Variants in NKAIN2 observed in about 807,000 individuals in gnomAD.
NKAIN2 encodes the protein sodium/potassium transporting ATPase interacting 2.
NKAIN2 carries 14 observed loss-of-function variants against 32.6 expected under a neutral mutation model. The ratio of observed to expected loss-of-function variants is 0.43; its 90% CI spans 0.28 to 0.67. The LOEUF (loss-of-function observed/expected upper bound fraction) is 0.67. Ranked by LOEUF, NKAIN2 falls within the 30% of genes least tolerant of loss-of-function variation. NKAIN2 has a pLI of 0.17. For missense variants in NKAIN2, 198 were observed against 258.3 expected (o/e 0.77, Z 1.60); for synonymous variants, 80 against 87.2 (o/e 0.92, Z 0.46).
intron 4 of NKAIN2, among the ~76,000 whole-genome samples, chr6:124,697,433 C>T (rs959602632): frequency 4.6e-5 from 7 of 152,122 alleles, no homozygotes; most frequent in Admixed American, 2.6e-4. Flanking sequence ...AGATTTTCAT[C>T]ACAATTTGTT....
At chr6:124,032,834 G>T (rs186895227) in intron 1 of NKAIN2, among the ~76,000 whole-genome samples, 2 of 151,818 alleles carry the variant, frequency 1.3e-5, no homozygotes, top group Non-Finnish European at 1.5e-5. Flanking sequence ...TGCCATGGTT[G>T]CAAACCAATG....
intron 3 of NKAIN2, among the ~76,000 whole-genome samples, chr6:124,609,154 C>G (rs560634933): frequency 6.6e-6 from 1 of 152,216 alleles, no homozygotes; most frequent in East Asian, 1.9e-4. Flanking sequence ...GTCTGGAATG[C>G]AAACAATGCT....
At chr6:124,649,920 A>G (rs1341525391) in intron 3 of NKAIN2, among the ~76,000 whole-genome samples, 1 of 152,198 alleles carries the variant, frequency 6.6e-6, no homozygotes, top group Non-Finnish European at 1.5e-5. Context: ...AGATGTATAA[A>G]AAGCATTTGG....
intron 3 of NKAIN2, among the ~76,000 whole-genome samples, chr6:124,408,697 T>G (rs1301437514): frequency 1.3e-5 from 2 of 149,756 alleles, no homozygotes. Context: ...TTTGGTTCCA[T>G]ATGAACTTTA....
At chr6:124,711,258 T>G (rs1297845467) in intron 4 of NKAIN2, among the ~76,000 whole-genome samples, 1 of 77,388 alleles carries the variant, frequency 1.3e-5, no homozygotes, top group Non-Finnish European at 2.6e-5. Flanking sequence ...CTGGCTGCGC[T>G]TAACATTTTT....
At chr6:124,465,415 AAGTGGG>A (rs1385089341) in intron 3 of NKAIN2, among the ~76,000 whole-genome samples, 2 of 152,072 alleles carry the variant, frequency 1.3e-5, no homozygotes. Flanking sequence ...TCGCACTCAT[AAGTGGG>A]AGTCGAACAA....
intron 3 of NKAIN2, among the ~76,000 whole-genome samples, chr6:124,646,019 G>C (rs1784153685): frequency 6.6e-6 from 1 of 151,704 alleles, no homozygotes; most frequent in Non-Finnish European, 1.5e-5. Context: ...CAGATATTTT[G>C]GTATATTTAT....
At chr6:124,642,350 G>A (rs1051005057) in intron 3 of NKAIN2, among the ~76,000 whole-genome samples, 2 of 152,110 alleles carry the variant, frequency 1.3e-5, no homozygotes, top group African/African-American at 2.4e-5. Context: ...CTTTAGCATT[G>A]GGGGTTTTAT....
chr6:123,981,330 C>T (rs757438426), intron 1 of NKAIN2, among the ~76,000 whole-genome samples: 5 of 151,798 alleles, frequency 3.3e-5, no homozygotes, highest in Non-Finnish European at 5.9e-5. Flanking sequence ...ATAGTTTAAC[C>T]AGTGCTGGAA....
intron 1 of NKAIN2, among the ~76,000 whole-genome samples, chr6:124,266,428 C>T (rs1387352481): frequency 6.6e-6 from 1 of 152,128 alleles, no homozygotes; most frequent in African/African-American, 2.4e-5. Context: ...CAGGCACACA[C>T]CACCACACCC....
chr6:124,515,587 C>A (rs1778876737), intron 3 of NKAIN2, among the ~76,000 whole-genome samples: 1 of 152,036 alleles, frequency 6.6e-6, no homozygotes, highest in Non-Finnish European at 1.5e-5. Flanking sequence ...ACAAATCTAT[C>A]CCCATGACCC....
intron 3 of NKAIN2, among the ~76,000 whole-genome samples, chr6:124,404,328 C>G (rs941876340): frequency 4.6e-5 from 7 of 152,110 alleles, no homozygotes; most frequent in African/African-American, 1.7e-4. Context: ...CACCAGGGAT[C>G]ACTTTTTGTT....
chr6:124,794,473 AT>A (rs1429265299), intron 5 of NKAIN2, among the ~76,000 whole-genome samples: 1 of 152,188 alleles, frequency 6.6e-6, no homozygotes, highest in Non-Finnish European at 1.5e-5. Context: ...ACTCCAAAAA[AT>A]AACATATATG....
chr6:124,683,103 T>TAACA (rs2114509835), intron 4 of NKAIN2, among the ~76,000 whole-genome samples: 1 of 152,328 alleles, frequency 6.6e-6, no homozygotes, highest in South Asian at 2.1e-4. Flanking sequence ...AACACATTTG[T>TAACA]AACAAACATA....
chr6:124,562,907 T>TC (rs1314819361), intron 3 of NKAIN2, among the ~76,000 whole-genome samples: 1 of 148,830 alleles, frequency 6.7e-6, no homozygotes, highest in Admixed American at 6.7e-5. Flanking sequence ...TTTGTTTCTT[T>TC]TTTTTTTTTT....
At chr6:124,782,989 G>A (rs191781232) in intron 4 of NKAIN2, among the ~76,000 whole-genome samples, 102 of 152,094 alleles carry the variant, frequency 6.7e-4, no homozygotes, top group African/African-American at 3.4e-4. Context: ...TCTCTAAACC[G>A]GAAGGCGATT....
intron 3 of NKAIN2, among the ~76,000 whole-genome samples, chr6:124,412,213 G>T: frequency 6.6e-6 from 1 of 152,144 alleles, no homozygotes; most frequent in East Asian, 1.9e-4. Flanking sequence ...TTGTTCCATT[G>T]CTGGTGAGGA....
chr6:123,827,281 G>T (rs919803581), intron 1 of NKAIN2, among the ~76,000 whole-genome samples: 2 of 152,146 alleles, frequency 1.3e-5, no homozygotes, highest in Admixed American at 6.6e-5. Context: ...CATGGCAAGA[G>T]ATCAGGCAAA....
chr6:124,717,539 T>A (rs1180655824), intron 4 of NKAIN2, among the ~76,000 whole-genome samples: 1 of 152,198 alleles, frequency 6.6e-6, no homozygotes, highest in African/African-American at 2.4e-5. Context: ...TTAGTTAGTA[T>A]TATTATTCCA....
Sources: allele counts gnomAD v4.1 joint callset (sites outside exome capture counted in the v4.1 genomes callset), GRCh38; gene constraint gnomAD v4.1.1; transcripts MANE v1.5; gene names NCBI Gene and HGNC (gene_info 2026-07-23, HGNC 2026-07-21).